The following MYO1D variants were observed in gnomAD, a reference collection of about 807,000 sequenced individuals.
MYO1D encodes unconventional myosin-Id.
A neutral mutation model predicts 122.0 loss-of-function variants in MYO1D; 83 were observed. The ratio of observed to expected loss-of-function variants is 0.68; its 90% CI spans 0.57 to 0.82. The LOEUF (loss-of-function observed/expected upper bound fraction) is 0.82. MYO1D is among the 40% of genes least tolerant of loss of function. The pLI is 0.00. For synonymous variants in MYO1D, 464 were observed against 446.9 expected (o/e 1.04, Z -0.48); for missense variants, 1,157 against 1,269.5 (o/e 0.91, Z 1.35).
chr17:32,561,869 T>G (rs2087129433), intron 21 of MYO1D, among the ~76,000 whole-genome samples: 1 of 152,148 alleles, frequency 6.6e-6, no homozygotes, highest in South Asian at 2.1e-4. Context: ...TATAAAGAGT[T>G]AAAAATTTTC....
chr17:32,592,376 C>T (rs540516207), intron 21 of MYO1D, among the ~76,000 whole-genome samples: 11 of 152,308 alleles, frequency 7.2e-5, no homozygotes, highest in East Asian at 1.9e-4. Flanking sequence ...GTAGGCCTCT[C>T]GGACTGTCTT....
chr17:32,580,646 T>TG (rs1343332578), intron 21 of MYO1D, among the ~76,000 whole-genome samples: 1 of 152,070 alleles, frequency 6.6e-6, no homozygotes, highest in Non-Finnish European at 1.5e-5. Context: ...CCTGACCTCG[T>TG]GATCTGCCTG....
At position 32,729,167 on chromosome 17, in the gene MYO1D, T is replaced by C. The variant is rs966147598; in HGVS notation, c.1747-7978A>G. On this transcript the variant is annotated intron_variant, in intron 14 of 21. Transcript: ENST00000318217. ...ACTTTTTCACCTGTCTCTCCCTATA[T>C]ATTTTACGGGAAAAAAAACACCATT... Among the ~76,000 whole-genome samples, 3 of 151,360 alleles carry C rather than the reference T, an allele frequency of 2.0e-5. No individual in the cohort carries two copies. In the South Asian group the frequency reaches 6.2e-4, roughly 31 times the overall value.
At chr17:32,597,034 C>T (rs1459411589) in intron 21 of MYO1D, among the ~76,000 whole-genome samples, 2 of 152,274 alleles carry the variant, frequency 1.3e-5, no homozygotes, top group East Asian at 1.9e-4. Context: ...ACAACAAGAC[C>T]ATACAGAAAG....
intron 21 of MYO1D, among the ~76,000 whole-genome samples, chr17:32,561,350 TCTC>T (rs991025643): frequency 4.3e-5 from 6 of 139,292 alleles, no homozygotes; most frequent in Admixed American, 2.2e-4. Flanking sequence ...TTTCCAACTC[TCTC>T]CTTTTTTTTT....
chr17:32,622,576 A>G (rs748934650), intron 20 of MYO1D, among the ~76,000 whole-genome samples: 4 of 152,180 alleles, frequency 2.6e-5, no homozygotes, highest in East Asian at 1.9e-4. Context: ...CAAGCCTTTT[A>G]AAGTTATATT....
chr17:32,709,698 A>T (rs1346831660), intron 16 of MYO1D, among the ~76,000 whole-genome samples: 1 of 152,144 alleles, frequency 6.6e-6, no homozygotes, highest in Non-Finnish European at 1.5e-5. Flanking sequence ...CATCTTGGCA[A>T]CTGGAAGAAA....
intron 1 of MYO1D, among the ~76,000 whole-genome samples, chr17:32,859,484 T>C (rs756007737): frequency 1.3e-5 from 2 of 152,162 alleles, no homozygotes; most frequent in African/African-American, 2.4e-5. Flanking sequence ...TCCCCTGGGA[T>C]GGATGCCTAC....
intron 1 of MYO1D, among the ~76,000 whole-genome samples, chr17:32,858,309 TA>T (rs1394380671): frequency 6.6e-6 from 1 of 152,242 alleles, no homozygotes; most frequent in Non-Finnish European, 1.5e-5. Context: ...TGCTAAGATT[TA>T]ATTCTTGAAC....
At chr17:32,598,428 T>C (rs1567903617) in intron 21 of MYO1D, among the ~76,000 whole-genome samples, 1 of 152,170 alleles carries the variant, frequency 6.6e-6, no homozygotes, top group South Asian at 2.1e-4. Context: ...CCAAATGTAT[T>C]TGACTTTGGG....
intron 21 of MYO1D, among the ~76,000 whole-genome samples, chr17:32,557,625 C>T (rs906714322): frequency 6.6e-6 from 1 of 151,872 alleles, no homozygotes; most frequent in Non-Finnish European, 1.5e-5. Flanking sequence ...CCACCCTCAC[C>T]CCCATCCAGT....
intron 17 of MYO1D, among the ~76,000 whole-genome samples, chr17:32,654,966 C>T (rs1236573710): frequency 6.6e-6 from 1 of 152,206 alleles, no homozygotes; most frequent in Non-Finnish European, 1.5e-5. Flanking sequence ...GCATGAGCCA[C>T]CACGCCTGGG....
chr17:32,522,108 C>CAAAAAAAAAAAAAAAAAAAAAAAAAAAAA (rs1910166929), intron 21 of MYO1D, among the ~76,000 whole-genome samples: 1 of 116,046 alleles, frequency 8.6e-6, no homozygotes, highest in African/African-American at 3.3e-5. Context: ...AAAAAAAAAG[C>CAAAAAAAAAAAAAAAAAAAAAAAAAAAAA]AAAACTCAGT....
intron 1 of MYO1D, among the ~76,000 whole-genome samples, chr17:32,784,011 T>C (rs1475361968): frequency 1.3e-5 from 2 of 152,232 alleles, no homozygotes; most frequent in African/African-American, 2.4e-5. Context: ...CAGGAAAGCA[T>C]TGTACATAAA....
intron 19 of MYO1D, among the ~76,000 whole-genome samples, chr17:32,640,284 A>T (rs1049810961): frequency 2.6e-5 from 4 of 152,206 alleles, no homozygotes; most frequent in Non-Finnish European, 5.9e-5. Flanking sequence ...AACTTGAAAC[A>T]CAGTGAGTGA....
intron 21 of MYO1D, among the ~76,000 whole-genome samples, chr17:32,511,854 T>G (rs1597865762): frequency 6.6e-6 from 1 of 152,186 alleles, no homozygotes; most frequent in East Asian, 1.9e-4. Flanking sequence ...CTTATTCAGC[T>G]CACCATTATC....
At chr17:32,855,055 T>C (rs539581194) in intron 1 of MYO1D, among the ~76,000 whole-genome samples, 16 of 152,318 alleles carry the variant, frequency 1.1e-4, no homozygotes, top group African/African-American at 3.4e-4. Context: ...AATAAAATTG[T>C]TGGTTCCATC....
intron 15 of MYO1D, among the ~76,000 whole-genome samples, chr17:32,719,496 G>A (rs978011512): frequency 7.2e-5 from 11 of 151,912 alleles, no homozygotes; most frequent in African/African-American, 1.9e-4. Flanking sequence ...GACTACAGGC[G>A]CCCGCCACCA....
At chr17:32,661,136 C>T (rs1401758852) in intron 16 of MYO1D, among the ~76,000 whole-genome samples, 4 of 152,094 alleles carry the variant, frequency 2.6e-5, no homozygotes, top group African/African-American at 7.2e-5. Context: ...ATTTCTTTTA[C>T]AAGAAACCTA....
Sources: gnomAD v4.1 joint callset for allele counts (sites outside exome capture counted in the v4.1 genomes callset) on GRCh38, gnomAD v4.1.1 for gene constraint, MANE v1.5 for transcripts, NCBI Gene and HGNC (gene_info 2026-07-23, HGNC 2026-07-21) for gene names.